SMURF1: variants seen among roughly 807,000 people sequenced by gnomAD.
SMURF1 encodes the protein SMAD specific E3 ubiquitin protein ligase 1, also known as E3 ubiquitin-protein ligase SMURF1.
In SMURF1, 44 loss-of-function variants were observed where a neutral mutation model predicts 98.0. That is an observed-to-expected ratio of 0.45 (90% CI 0.35 to 0.58). The LOEUF (loss-of-function observed/expected upper bound fraction) is 0.58, where lower values mean the gene tolerates loss of function less well. Ranked by LOEUF, SMURF1 falls within the 20% of genes least tolerant of loss-of-function variation. The probability of loss-of-function intolerance (pLI) is 0.00; values close to 1 mark genes in which losing one functional copy is unlikely to be tolerated. For missense variants in SMURF1, 687 were observed against 938.4 expected (o/e 0.73, Z 3.50); for synonymous variants, 396 against 374.9 (o/e 1.06, Z -0.65).
rs774218391 is a variant in SMURF1 at position 99,033,111 on chromosome 7, G to T, written c.2022C>A (p.Gly674=). The change falls in exon 17 of 18, where the codon GGC becomes GGA. Residue 674 remains glycine (G), a synonymous_variant. Coordinates refer to ENST00000361368, the MANE Select transcript of SMURF1 (RefSeq NM_181349.3). The part of the protein sequence containing the change: ...QGFKALQGST[G]AAGPRLFTIH... Reference sequence around the variant, plus strand: ...TGGTGAACAGCCGGGGCCCTGCCGCGCCTGTAGAACCTTACAAGACAACAT... The same window carrying T: ...TGGTGAACAGCCGGGGCCCTGCCGCTCCTGTAGAACCTTACAAGACAACAT... 2 of 1,579,288 alleles carry T rather than the reference G, an allele frequency of 1.3e-6. No homozygotes were observed. Among genetic ancestry groups the T allele is most frequent in the South Asian group, 1.2e-5 (1 of 86,930 alleles).
At chr7:99,060,458 T>A in intron 3 of SMURF1, 141 bp downstream of exon 3, 2 of 519,424 alleles carry the variant, frequency 3.9e-6, no homozygotes, top group South Asian at 3.1e-5. Context: ...AATTAGGCAA[T>A]GTAGACATTC....
intron 10 of SMURF1, among the ~76,000 whole-genome samples, chr7:99,046,027 A>G (rs1236509469): frequency 6.6e-6 from 1 of 152,044 alleles, no homozygotes; most frequent in Non-Finnish European, 1.5e-5. Context: ...AGGAAACACT[A>G]ACCTTCAGGG....
At chr7:99,081,330 G>C (rs1355779680) in intron 1 of SMURF1, 2 of 152,192 alleles carry the variant, frequency 1.3e-5, no homozygotes, top group Non-Finnish European at 2.9e-5. Flanking sequence ...AACATAGCAA[G>C]ATTCCATCTT....
chr7:99,079,593 CAA>C (rs1554443385), intron 1 of SMURF1, among the ~76,000 whole-genome samples: 3 of 152,274 alleles, frequency 2.0e-5, no homozygotes, highest in South Asian at 2.1e-4. Context: ...TACTAAGCTA[CAA>C]AAGAGACTTT....
intron 1 of SMURF1, among the ~76,000 whole-genome samples, chr7:99,130,889 G>A (rs571147974): frequency 7.2e-5 from 11 of 152,276 alleles, no homozygotes; most frequent in South Asian, 2.1e-4. Flanking sequence ...CAGCCACAGC[G>A]GTTGGTTCAG....
chr7:99,079,722 A>G (rs1051256263), intron 1 of SMURF1, among the ~76,000 whole-genome samples: 2 of 152,244 alleles, frequency 1.3e-5, no homozygotes, highest in African/African-American at 2.4e-5. Context: ...ATTTTTAAAC[A>G]GTTTTAAATA....
At chr7:99,112,775 A>G (rs1797351619) in intron 1 of SMURF1, among the ~76,000 whole-genome samples, 1 of 152,178 alleles carries the variant, frequency 6.6e-6, no homozygotes, top group Non-Finnish European at 1.5e-5. Flanking sequence ...AAACCATGAG[A>G]ACAGTGTCTC....
chr7:99,139,620 A>G (rs1459982021), intron 1 of SMURF1, among the ~76,000 whole-genome samples: 2 of 152,194 alleles, frequency 1.3e-5, no homozygotes, highest in African/African-American at 4.8e-5. Flanking sequence ...TGATTTTTCA[A>G]TCAAAATGTT....
At chr7:99,104,598 C>G (rs1423348642) in intron 1 of SMURF1, among the ~76,000 whole-genome samples, 2 of 152,232 alleles carry the variant, frequency 1.3e-5, no homozygotes, top group Non-Finnish European at 2.9e-5. Context: ...CTACCTGCCA[C>G]TGTCACTTAA....
chr7:99,123,347 A>T (rs531884460), intron 1 of SMURF1, among the ~76,000 whole-genome samples: 18 of 152,244 alleles, frequency 1.2e-4, no homozygotes, highest in African/African-American at 4.1e-4. Context: ...AGCCTGGGCA[A>T]CATTGTGAGA....
At chr7:99,113,127 G>A (rs147545079) in intron 1 of SMURF1, among the ~76,000 whole-genome samples, 1,691 of 151,972 alleles carry the variant, frequency 0.011, 16 homozygotes, top group Non-Finnish European at 0.016. Context: ...ATGACTGCAA[G>A]TGTCCCAAAC....
Position 99,030,957 on chromosome 7 carries a change from C to G in SMURF1, c.2097-274G>C, listed in dbSNP as rs367704251. 2.2e-4 allele frequency: 73 copies of G among 327,066 alleles called. No individual in the cohort carries two copies. In the East Asian group the frequency reaches 2.9e-3, roughly 13 times the overall value. 20.3% of individuals were successfully genotyped at this position (327,066 alleles called of 1,614,324 possible). A position where few individuals can be genotyped will look rare whatever the true frequency, so the allele number is the denominator to read the frequency against. On this transcript the variant is annotated intron_variant, in intron 17 of 17. Transcript: ENST00000361368. ...TCAAGTGAACCTCCTGCCTTGCCCT[C>G]TCAACGTGCTGGGAGCCACTGTGCC...
At chr7:99,032,025 G>A (rs369280651) in intron 17 of SMURF1, among the ~76,000 whole-genome samples, 54 of 152,316 alleles carry the variant, frequency 3.5e-4, no homozygotes, top group African/African-American at 1.1e-3. Context: ...GACAAGGTAC[G>A]TGTGTCATAA....
chr7:99,042,631 C>T (rs1456192583), intron 11 of SMURF1, among the ~76,000 whole-genome samples: 1 of 152,148 alleles, frequency 6.6e-6, no homozygotes, highest in Non-Finnish European at 1.5e-5. Flanking sequence ...ATTTTAAAAA[C>T]CCCAAAGTTA....
Position 99,143,992 on chromosome 7 carries a change from G to A in SMURF1, c.-212C>T, listed in dbSNP as rs1798214020. 1 of 385,676 alleles carries A rather than the reference G, an allele frequency of 2.6e-6. No homozygotes were observed. The highest frequency in any genetic ancestry group is 4.5e-6 in the Non-Finnish European group (1 of 221,282). 23.9% of individuals were successfully genotyped at this position (385,676 alleles called of 1,614,324 possible). A position where few individuals can be genotyped will look rare whatever the true frequency, so the allele number is the denominator to read the frequency against. ...TTGCTGCGGCGCTCTGACCCTCGCTGCTTCCAGCCGAGCCCAGTCCCGAGC... is the reference window on the plus strand; with the variant it reads ...TTGCTGCGGCGCTCTGACCCTCGCTACTTCCAGCCGAGCCCAGTCCCGAGC... On this transcript the variant is annotated 5_prime_UTR_variant, in exon 1 of 18. Transcript: ENST00000361368.
chr7:99,040,230 T>C (rs1385879862), intron 13 of SMURF1, 148 bp downstream of exon 13: 49 of 858,938 alleles, frequency 5.7e-5, no homozygotes, highest in Non-Finnish European at 7.2e-5. Context: ...TTCCAAAAAA[T>C]CCCCTTTTTT....
Position 99,051,402 on chromosome 7 carries a change from T to C in SMURF1, c.761A>G (p.His254Arg). 1.2e-6 allele frequency: 2 copies of C among 1,614,182 alleles called. No homozygotes were observed. Among genetic ancestry groups the C allele is most frequent in the Non-Finnish European group, 1.7e-6 (2 of 1,180,020 alleles). The change falls in exon 8 of 18, where the codon CAT (histidine) becomes CGT (arginine). Residue 254 changes from histidine (H) to arginine (R), a missense_variant. This residue lies in a region of SMURF1 where 415 missense variants were observed against 508.4 expected (regional missense o/e 0.82). Transcript: ENST00000361368. ...CCACGTGCTAACTCCAGTCTGTGTA[T>C]GCAAAAAGTAAACTTGGCCCTGGAC... is the stretch of plus-strand genomic sequence containing the variant. ...TTVQGQVYFL[H>R]TQTGVSTWHD...
At chr7:99,089,118 C>G (rs538362762) in intron 1 of SMURF1, among the ~76,000 whole-genome samples, 1 of 151,514 alleles carries the variant, frequency 6.6e-6, no homozygotes, top group Non-Finnish European at 1.5e-5. Flanking sequence ...GCAGGAGAAT[C>G]GCTTGAACCT....
In SMURF1 at chr7:99,028,804, G is replaced by A. The variant is rs867369937; in HGVS notation, c.*1780C>T. On this transcript the variant is annotated 3_prime_UTR_variant, in exon 18 of 18. Transcript: ENST00000361368. The stretch of plus-strand genomic sequence containing the variant: ...TCCCGCGGGTTAGGCTCGTGATAGA[G>A]AGTGGGCTGTCCGGGGGAGGTCTGT... 6.6e-6 allele frequency: 1 copy of A among 152,222 alleles called. No homozygotes were observed. Among genetic ancestry groups the A allele is most frequent in the South Asian group, 2.1e-4 (1 of 4,838 alleles). 9.4% of individuals were successfully genotyped at this position (152,222 alleles called of 1,614,324 possible).
Sources: allele counts gnomAD v4.1 joint callset (sites outside exome capture counted in the v4.1 genomes callset), GRCh38; gene constraint gnomAD v4.1.1; regional missense constraint gnomAD v4.1.1; transcripts MANE v1.5; gene names NCBI Gene and HGNC (gene_info 2026-07-23, HGNC 2026-07-21).